Variants in CNTNAP2 observed in about 807,000 individuals in gnomAD.
CNTNAP2 encodes contactin associated protein 2.
A neutral mutation model predicts 155.2 loss-of-function variants in CNTNAP2; 98 were observed. That is an observed-to-expected ratio of 0.63 (90% CI 0.54 to 0.75). The LOEUF is 0.75. CNTNAP2 is among the 30% of genes least tolerant of loss of function. CNTNAP2 has a pLI of 0.00. For missense variants in CNTNAP2, 1,727 were observed against 1,688.1 expected (o/e 1.02, Z -0.40); for synonymous variants, 651 against 631.2 (o/e 1.03, Z -0.47).
chr7:147,012,880 T>A (rs2129244150), intron 3 of CNTNAP2, among the ~76,000 whole-genome samples: 1 of 152,316 alleles, frequency 6.6e-6, no homozygotes, highest in Non-Finnish European at 1.5e-5. Flanking sequence ...TTTTGGGACC[T>A]GCTAGTATTG....
At chr7:146,330,228 A>G (rs7781275) in intron 1 of CNTNAP2, among the ~76,000 whole-genome samples, 37,857 of 151,488 alleles carry the variant, frequency 0.25, 11,228 homozygotes, top group African/African-American at 0.72. Flanking sequence ...CTCCATGTTG[A>G]TCAGGCTGGT....
intron 1 of CNTNAP2, among the ~76,000 whole-genome samples, chr7:146,318,792 A>G (rs1164924227): frequency 6.6e-6 from 1 of 152,130 alleles, no homozygotes; most frequent in Non-Finnish European, 1.5e-5. Context: ...CTGAATACTT[A>G]AATATGTAAA....
chr7:147,426,344 G>A (rs900067368), intron 10 of CNTNAP2, among the ~76,000 whole-genome samples: 1 of 152,056 alleles, frequency 6.6e-6, no homozygotes, highest in East Asian at 1.9e-4. Context: ...TTTGGTGTGT[G>A]TGTTTGTTTG....
At chr7:146,820,842 G>T (rs1030967421) in intron 2 of CNTNAP2, among the ~76,000 whole-genome samples, 2 of 152,106 alleles carry the variant, frequency 1.3e-5, no homozygotes, top group African/African-American at 4.8e-5. Context: ...ATGAATCTGG[G>T]TGCTCCTGTA....
At chr7:147,395,408 C>T (rs1796797086) in intron 9 of CNTNAP2, among the ~76,000 whole-genome samples, 2 of 152,002 alleles carry the variant, frequency 1.3e-5, no homozygotes, top group African/African-American at 2.4e-5. Context: ...TAACCCATTA[C>T]AATTCAACCC....
intron 1 of CNTNAP2, among the ~76,000 whole-genome samples, chr7:146,655,514 A>G (rs1459064127): frequency 6.6e-6 from 1 of 151,840 alleles, no homozygotes; most frequent in Non-Finnish European, 1.5e-5. Flanking sequence ...CTACAAATAT[A>G]TTCTTTCAAA....
At chr7:146,308,951 A>C (rs1164071003) in intron 1 of CNTNAP2, among the ~76,000 whole-genome samples, 1 of 152,180 alleles carries the variant, frequency 6.6e-6, no homozygotes, top group African/African-American at 2.4e-5. Context: ...TGTTGTGCAC[A>C]TGTACCACAG....
At chr7:148,023,311 A>T (rs193233239) in intron 15 of CNTNAP2, among the ~76,000 whole-genome samples, 1 of 152,330 alleles carries the variant, frequency 6.6e-6, no homozygotes, top group East Asian at 1.9e-4. Context: ...ACTGAATTTT[A>T]ATGGCATAAT....
At chr7:146,430,196 T>G (rs908305925) in intron 1 of CNTNAP2, among the ~76,000 whole-genome samples, 21 of 151,872 alleles carry the variant, frequency 1.4e-4, no homozygotes, top group African/African-American at 4.8e-4. Flanking sequence ...TTTGTTTTAT[T>G]TTTTTAATCT....
intron 1 of CNTNAP2, among the ~76,000 whole-genome samples, chr7:146,617,169 T>A (rs747700863): frequency 6.6e-6 from 1 of 152,124 alleles, no homozygotes; most frequent in Admixed American, 6.5e-5. Context: ...GAAACCTGTA[T>A]TTTTGTCTTA....
chr7:146,255,300 A>G (rs886890700), intron 1 of CNTNAP2, among the ~76,000 whole-genome samples: 1 of 152,236 alleles, frequency 6.6e-6, no homozygotes, highest in South Asian at 2.1e-4. Context: ...CAGCCCTCAC[A>G]TAATTGTGAA....
At chr7:147,211,596 A>T (rs1246356840) in intron 8 of CNTNAP2, among the ~76,000 whole-genome samples, 1 of 152,032 alleles carries the variant, frequency 6.6e-6, no homozygotes, top group Non-Finnish European at 1.5e-5. Context: ...CGGTGCTGGG[A>T]TAGACTAACC....
chr7:147,120,948 C>T, intron 5 of CNTNAP2, 31 bp from the exon 6 acceptor site: 1 of 1,606,802 alleles, frequency 6.2e-7, no homozygotes, highest in Non-Finnish European at 8.5e-7. Flanking sequence ...AGCATCATTG[C>T]ATTGTTTCTT....
chr7:148,143,093 A>G (rs1262044587), intron 16 of CNTNAP2, among the ~76,000 whole-genome samples: 3 of 152,094 alleles, frequency 2.0e-5, no homozygotes, highest in African/African-American at 7.2e-5. Flanking sequence ...ATTTCATTTT[A>G]TTTCTCTTAG....
intron 9 of CNTNAP2, among the ~76,000 whole-genome samples, chr7:147,342,299 A>C (rs553636553): frequency 6.6e-6 from 1 of 152,166 alleles, no homozygotes; most frequent in African/African-American, 2.4e-5. Context: ...CTTCTAATGT[A>C]TCTAATTTAA....
chr7:146,954,952 A>G (rs1288212124), intron 3 of CNTNAP2, among the ~76,000 whole-genome samples: 1 of 151,930 alleles, frequency 6.6e-6, no homozygotes, highest in Non-Finnish European at 1.5e-5. Flanking sequence ...CATCAATAGA[A>G]AGAGAGAGGA....
At position 146,929,957 on chromosome 7, in the gene CNTNAP2, G is replaced by A. The variant is rs182371549; in HGVS notation, c.402+90053G>A. On this transcript the variant is annotated intron_variant, in intron 3 of 23. Transcript: ENST00000361727. ...GACTATGTGAAAAGACCAAATCTACGTCTGACTGGTGTACCTGACAGTGAT... is the reference window on the plus strand; with the variant it reads ...GACTATGTGAAAAGACCAAATCTACATCTGACTGGTGTACCTGACAGTGAT... Among the ~76,000 whole-genome samples the A allele has an allele frequency of 8.1e-3, 1,228 of 152,250 alleles. 16 individuals are homozygous for A. The highest frequency in any genetic ancestry group is 0.027 in the African/African-American group (1,112 of 41,552).
At chr7:148,172,028 G>T (rs374427984) in intron 17 of CNTNAP2, among the ~76,000 whole-genome samples, 1 of 152,194 alleles carries the variant, frequency 6.6e-6, no homozygotes, top group African/African-American at 2.4e-5. Flanking sequence ...TGTAGGAAAC[G>T]TGTTGCTTCT....
chr7:147,300,489 G>A (rs900386216), intron 9 of CNTNAP2, among the ~76,000 whole-genome samples, 199 bp downstream of exon 9: 2 of 152,138 alleles, frequency 1.3e-5, no homozygotes, highest in African/African-American at 2.4e-5. Flanking sequence ...TTAAGATGAT[G>A]TCACCATATT....
Sources: gnomAD v4.1 joint callset for allele counts (sites outside exome capture counted in the v4.1 genomes callset) on GRCh38, gnomAD v4.1.1 for gene constraint, MANE v1.5 for transcripts, NCBI Gene and HGNC (gene_info 2026-07-23, HGNC 2026-07-21) for gene names.